The following ERBB4 variants were observed in gnomAD, a reference collection of about 807,000 sequenced individuals.
ERBB4 encodes erb-b2 receptor tyrosine kinase 4.
A neutral mutation model predicts 158.0 loss-of-function variants in ERBB4; 42 were observed. The ratio of observed to expected loss-of-function variants is 0.27; its 90% confidence interval spans 0.21 to 0.34. The LOEUF (loss-of-function observed/expected upper bound fraction) is 0.34. Among genes scored for constraint, ERBB4 ranks in the 10% least tolerant of loss-of-function variants. The pLI, the probability that ERBB4 is intolerant of heterozygous loss-of-function variation, is 1.00. For synonymous variants in ERBB4, 583 were observed against 558.7 expected, an observed-to-expected ratio of 1.04 and a Z score of -0.61; for missense variants, 1,333 against 1,624.1, an observed-to-expected ratio of 0.82 and a Z score of 3.08.
At chr2:212,363,552 TAA>T (rs2089773137) in intron 1 of ERBB4, among the ~76,000 whole-genome samples, 1 of 151,398 alleles carries the variant, frequency 6.6e-6, no homozygotes, top group Non-Finnish European at 1.5e-5. Flanking sequence ...GACACTTAGA[TAA>T]GAATAAACTG....
chr2:211,641,232 T>C (rs2070573858), intron 16 of ERBB4, among the ~76,000 whole-genome samples: 2 of 151,992 alleles, frequency 1.3e-5, no homozygotes, highest in South Asian at 4.2e-4. Flanking sequence ...GGAAGAAAAA[T>C]GTGGCTAAAG....
chr2:211,646,332 A>T (rs1484324092), intron 16 of ERBB4, among the ~76,000 whole-genome samples: 1 of 151,576 alleles, frequency 6.6e-6, no homozygotes, highest in Non-Finnish European at 1.5e-5. Context: ...AAAGAGGGAA[A>T]AAAGAAAAAT....
intron 1 of ERBB4, among the ~76,000 whole-genome samples, chr2:212,356,210 A>C (rs2089456696): frequency 6.6e-6 from 1 of 151,976 alleles, no homozygotes; most frequent in African/African-American, 2.4e-5. Context: ...TGCTTCAGCC[A>C]GTACTTTGGA....
intron 3 of ERBB4, among the ~76,000 whole-genome samples, chr2:211,890,469 C>A (rs574247402): frequency 1.3e-5 from 2 of 152,002 alleles, no homozygotes; most frequent in Admixed American, 1.3e-4. Flanking sequence ...ATGTACAGAC[C>A]ATCGAGACTA....
At chr2:212,032,255 A>T (rs1173291734) in intron 2 of ERBB4, among the ~76,000 whole-genome samples, 2 of 152,060 alleles carry the variant, frequency 1.3e-5, no homozygotes, top group African/African-American at 4.8e-5. Flanking sequence ...CTGTGTGTTT[A>T]TTCTGGGTTG....
intron 1 of ERBB4, among the ~76,000 whole-genome samples, chr2:212,233,921 C>T (rs1001485073): frequency 2.7e-5 from 4 of 150,924 alleles, no homozygotes; most frequent in Non-Finnish European, 5.9e-5. Context: ...CCTAAATTAA[C>T]AGTATTTCTC....
intron 1 of ERBB4, among the ~76,000 whole-genome samples, chr2:212,245,129 T>C (rs189484131): frequency 8.7e-4 from 133 of 152,258 alleles, no homozygotes; most frequent in African/African-American, 3.1e-3. Flanking sequence ...CTTTTCAAAG[T>C]AACATTTTCC....
intron 3 of ERBB4, among the ~76,000 whole-genome samples, chr2:211,857,216 C>T (rs7595439): frequency 0.21 from 31,795 of 151,636 alleles, 3,465 homozygotes; most frequent in South Asian, 0.32. Context: ...AAAAGAATAA[C>T]GATAGTTTTT....
chr2:212,195,356 C>A (rs2082394599), intron 1 of ERBB4, among the ~76,000 whole-genome samples: 1 of 151,940 alleles, frequency 6.6e-6, no homozygotes, highest in African/African-American at 2.4e-5. Flanking sequence ...AATAAATATG[C>A]TCAGATTTTA....
intron 1 of ERBB4, among the ~76,000 whole-genome samples, chr2:212,148,629 C>T (rs1426348225): frequency 6.6e-6 from 1 of 151,902 alleles, no homozygotes; most frequent in Admixed American, 6.6e-5. Context: ...TCAAAGATAC[C>T]ACAGTTTAAG....
chr2:212,201,877 T>A (rs2082595535), intron 1 of ERBB4, among the ~76,000 whole-genome samples: 1 of 152,230 alleles, frequency 6.6e-6, no homozygotes, highest in Admixed American at 6.5e-5. Context: ...GCCCTACTAT[T>A]ATTCCTTTTG....
intron 1 of ERBB4, among the ~76,000 whole-genome samples, chr2:212,470,116 A>G (rs1689042247): frequency 6.6e-6 from 1 of 152,090 alleles, no homozygotes; most frequent in African/African-American, 2.4e-5. Context: ...TACACCTACA[A>G]GTAGATTATA....
intron 1 of ERBB4, among the ~76,000 whole-genome samples, chr2:212,276,141 A>G (rs1326133122): frequency 6.6e-6 from 1 of 151,610 alleles, no homozygotes; most frequent in African/African-American, 2.4e-5. Context: ...CAAACAAAAG[A>G]TTTTCCTTAT....
At chr2:211,928,631 A>T (rs113046467) in intron 3 of ERBB4, among the ~76,000 whole-genome samples, 1 of 152,176 alleles carries the variant, frequency 6.6e-6, no homozygotes, top group Non-Finnish European at 1.5e-5. Context: ...ACTGTCTGTT[A>T]TGAATACTAA....
chr2:211,783,164 C>G (rs1158490771), intron 4 of ERBB4, among the ~76,000 whole-genome samples: 1 of 152,182 alleles, frequency 6.6e-6, no homozygotes, highest in Admixed American at 6.5e-5. Context: ...ATTTGGCTCT[C>G]TGTTTGTCTG....
chr2:211,733,977 G>A (rs2074517479), intron 5 of ERBB4, among the ~76,000 whole-genome samples: 1 of 147,412 alleles, frequency 6.8e-6, no homozygotes, highest in South Asian at 2.1e-4. Flanking sequence ...GGGAGACTGA[G>A]GTTGCAGCGA....
At chr2:211,806,112 A>G (rs1298791641) in intron 3 of ERBB4, among the ~76,000 whole-genome samples, 3 of 152,148 alleles carry the variant, frequency 2.0e-5, no homozygotes, top group African/African-American at 7.2e-5. Context: ...TCCCATAATT[A>G]TGCAGAAAAA....
chr2:211,723,815 G>A (rs950305096), intron 6 of ERBB4, among the ~76,000 whole-genome samples: 6 of 152,148 alleles, frequency 3.9e-5, no homozygotes, highest in Admixed American at 6.5e-5. Flanking sequence ...TTAGCTTTGC[G>A]ACAGCATACA....
At chr2:211,399,493 T>C (rs924812633) in intron 25 of ERBB4, among the ~76,000 whole-genome samples, 1 of 152,180 alleles carries the variant, frequency 6.6e-6, no homozygotes, top group African/African-American at 2.4e-5. Context: ...GGTACACATC[T>C]TCTTCTGCAG....
Sources: gnomAD v4.1 joint callset for allele counts (sites outside exome capture counted in the v4.1 genomes callset) on GRCh38, gnomAD v4.1.1 for gene constraint, MANE v1.5 for transcripts, NCBI Gene and HGNC (gene_info 2026-07-23, HGNC 2026-07-21) for gene names.